The following MYRFL variants were observed in gnomAD, a reference collection of about 807,000 sequenced individuals.
The protein encoded by MYRFL is myelin regulatory factor like, also known as myelin regulatory factor-like protein.
Under a neutral mutation model 109.4 loss-of-function variants are expected in MYRFL, and 88 were observed. The observed-to-expected ratio is 0.80, with a 90% CI of 0.68 to 0.96. The LOEUF is 0.96. Ranked by LOEUF, MYRFL falls within the 40% of genes least tolerant of loss-of-function variation. The pLI, the probability that MYRFL is intolerant of heterozygous loss-of-function variation, is 0.00. For missense variants in MYRFL, 957 were observed against 954.9 expected (o/e 1.00, Z -0.03); for synonymous variants, 324 against 320.9 (o/e 1.01, Z -0.10).
At chr12:69,952,004 G>A in intron 19 of MYRFL, 109 bp from the exon 20 acceptor site, 2 of 838,060 alleles carry the variant, frequency 2.4e-6, no homozygotes, top group Non-Finnish European at 3.8e-6. Context: ...ATGGGAGACA[G>A]AAAGGGTGGG....
intron 13 of MYRFL, among the ~76,000 whole-genome samples, chr12:69,920,162 C>T (rs536627429): frequency 1.6e-4 from 25 of 152,188 alleles, no homozygotes; most frequent in African/African-American, 5.5e-4. Flanking sequence ...CCAATCTCCT[C>T]GCAAAGAGGA....
intron 1 of MYRFL, among the ~76,000 whole-genome samples, chr12:69,838,919 T>A (rs1883094724): frequency 6.6e-6 from 1 of 152,180 alleles, no homozygotes; most frequent in Non-Finnish European, 1.5e-5. Flanking sequence ...TTAGTTTGAA[T>A]CCCATTAAAA....
chr12:69,957,984 T>G (rs1240678743), intron 23 of MYRFL, 42 bp downstream of exon 23: 1 of 1,508,166 alleles, frequency 6.6e-7, no homozygotes, highest in East Asian at 2.5e-5. Context: ...GAGAGAGGGA[T>G]ACATTGAGCA....
intron 15 of MYRFL, among the ~76,000 whole-genome samples, chr12:69,928,887 C>T (rs1338267063): frequency 1.3e-5 from 2 of 152,228 alleles, no homozygotes; most frequent in Admixed American, 1.3e-4. Flanking sequence ...GTATCCACAT[C>T]TATGGCAGCC....
intron 6 of MYRFL, among the ~76,000 whole-genome samples, chr12:69,889,183 A>C (rs191270536): frequency 1.3e-5 from 2 of 152,042 alleles, no homozygotes; most frequent in East Asian, 3.9e-4. Context: ...AGCAGTGAGT[A>C]ATGCCCTCCT....
intron 13 of MYRFL, among the ~76,000 whole-genome samples, chr12:69,912,600 G>A (rs1289118622): frequency 6.6e-6 from 1 of 152,158 alleles, no homozygotes; most frequent in South Asian, 2.1e-4. Context: ...TTAGCTTAAT[G>A]TCCTCGAGGT....
At chr12:69,881,152 G>GT (rs1369448928) in intron 5 of MYRFL, among the ~76,000 whole-genome samples, 4 of 151,600 alleles carry the variant, frequency 2.6e-5, no homozygotes, top group Admixed American at 2.6e-4. Context: ...TATTTGTTTT[G>GT]TAAAGATGGG....
chr12:69,889,781 C>T (rs537126045), intron 6 of MYRFL, among the ~76,000 whole-genome samples: 14 of 152,016 alleles, frequency 9.2e-5, no homozygotes, highest in African/African-American at 2.2e-4. Flanking sequence ...TGCTTGAACC[C>T]GGGAGGCGGA....
At chr12:69,884,778 T>C (rs1254521919) in intron 5 of MYRFL, among the ~76,000 whole-genome samples, 1 of 152,230 alleles carries the variant, frequency 6.6e-6, no homozygotes, top group African/African-American at 2.4e-5. Context: ...GAAGGCACCA[T>C]TGTTTAAACT....
intron 1 of MYRFL, among the ~76,000 whole-genome samples, chr12:69,845,663 T>C (rs537307377): frequency 6.6e-6 from 1 of 152,114 alleles, no homozygotes; most frequent in Non-Finnish European, 1.5e-5. Flanking sequence ...GCAGAACTAT[T>C]ATGTATTTAA....
At chr12:69,841,030 G>T (rs1592686116) in intron 1 of MYRFL, among the ~76,000 whole-genome samples, 1 of 152,276 alleles carries the variant, frequency 6.6e-6, no homozygotes, top group East Asian at 1.9e-4. Context: ...TCCAACAATG[G>T]GTCACGTTAC....
chr12:69,948,817 T>C (rs1166264937), intron 19 of MYRFL, among the ~76,000 whole-genome samples: 1 of 152,224 alleles, frequency 6.6e-6, no homozygotes, highest in East Asian at 1.9e-4. Context: ...TCCAGTTCTG[T>C]CTTGCTTCCT....
chr12:69,892,290 C>T lies in MYRFL; in HGVS notation c.903+1124C>T, dbSNP rs115061059. Among the ~76,000 whole-genome samples, 568 of 152,212 alleles carry T rather than the reference C, an allele frequency of 3.7e-3. 5 individuals carry two copies. The highest frequency in any genetic ancestry group is 0.014 in the Middle Eastern group (4 of 294). On this transcript the variant is annotated intron_variant, in intron 7 of 24. Coordinates refer to ENST00000552032, the MANE Select transcript of MYRFL (RefSeq NM_182530.3). ...ATCCAAGGTAGTAAATGATAGAGCT[C>T]GGTTCAGAATGGAGGTAATATGACT...
intron 21 of MYRFL, among the ~76,000 whole-genome samples, chr12:69,954,107 T>G (rs1236033305): frequency 6.6e-6 from 1 of 152,208 alleles, no homozygotes; most frequent in Non-Finnish European, 1.5e-5. Context: ...AAAGTTTGCC[T>G]AAGATCACCT....
rs1241964109 is a variant in MYRFL at position 69,886,739 on chromosome 12, C to T, written c.557-81C>T. The T allele has an allele frequency of 1.1e-5, 17 of 1,483,850 alleles. No individual in the cohort carries two copies. In the East Asian group the frequency reaches 3.7e-4, roughly 32 times the overall value. The allele number at this position is 1,483,850 out of a possible 1,614,324, so 91.9% of individuals were successfully genotyped here. A position where few individuals can be genotyped will look rare whatever the true frequency, so the allele number is the denominator to read the frequency against. ...GTCACTCTGCCTTACACATGGCCCA[C>T]TCATCAGCTTCATGCTGCTAGCTGT... On this transcript the variant is annotated intron_variant, in intron 5 of 24. Transcript: ENST00000552032.
intron 10 of MYRFL, among the ~76,000 whole-genome samples, chr12:69,901,635 C>T (rs1046970677): frequency 6.6e-6 from 1 of 152,122 alleles, no homozygotes; most frequent in African/African-American, 2.4e-5. Flanking sequence ...TGAAGTGGCT[C>T]ATTATGTTCA....
intron 2 of MYRFL, among the ~76,000 whole-genome samples, chr12:69,859,892 G>A (rs1884532133): frequency 6.6e-6 from 1 of 151,958 alleles, no homozygotes; most frequent in South Asian, 2.1e-4. Context: ...AAGTCTATTT[G>A]GTCCAATATT....
chr12:69,831,356 A>T (rs1592673093), intron 1 of MYRFL, among the ~76,000 whole-genome samples: 2 of 152,254 alleles, frequency 1.3e-5, no homozygotes, highest in South Asian at 4.1e-4. Context: ...CAAAACCTAA[A>T]ATATTATCTG....
At chr12:69,940,444 G>T (rs1592876353) in intron 19 of MYRFL, among the ~76,000 whole-genome samples, 7 of 147,302 alleles carry the variant, frequency 4.8e-5, no homozygotes, top group East Asian at 2.1e-4. Context: ...TTCATATCCA[G>T]CCAAACTAAG....
Sources: allele counts gnomAD v4.1 joint callset (sites outside exome capture counted in the v4.1 genomes callset), GRCh38; gene constraint gnomAD v4.1.1; transcripts MANE v1.5; gene names NCBI Gene and HGNC (gene_info 2026-07-23, HGNC 2026-07-21).